The following OCM variants were observed in gnomAD, a reference collection of about 807,000 sequenced individuals.
OCM encodes the protein oncomodulin-1.
OCM carries 18 observed loss-of-function variants against 14.1 expected under a neutral mutation model. The observed-to-expected ratio is 1.28, with a 90% CI of 0.88 to 1.89. The LOEUF (loss-of-function observed/expected upper bound fraction) is 1.89, where lower values mean the gene tolerates loss of function less well. Ranked by LOEUF, OCM falls within the 40% of genes most tolerant of loss-of-function variation. The pLI is 0.00. For missense variants in OCM, 140 were observed against 137.6 expected (o/e 1.02, Z -0.09); for synonymous variants, 48 against 51.0 (o/e 0.94, Z 0.25).
rs114698537 is a variant in OCM at position 5,880,964 on chromosome 7, G to A, written c.61+14G>A. ...AGGAATGCCGAGGTAGAGGGGACGT[G>A]AGGCGGGGGTGGGATTTCCTCACAG... On this transcript the variant is annotated intron_variant, in intron 1 of 3. Transcript: ENST00000242104. The A allele has an allele frequency of 8.5e-4, 1,371 of 1,611,462 alleles. 6 individuals carry two copies. In the African/African-American group the frequency reaches 0.015, roughly 17 times the overall value.
the OCM span, among the ~76,000 whole-genome samples, chr7:5,861,717 T>C: frequency 3.6e-4 from 55 of 152,154 alleles, no homozygotes; most frequent in African/African-American, 1.2e-3. Flanking sequence ...TGGCATCTCA[T>C]TGTGGTTTTA....
the OCM span, among the ~76,000 whole-genome samples, chr7:5,865,793 GA>G: frequency 6.6e-6 from 1 of 151,996 alleles, no homozygotes; most frequent in Admixed American, 6.6e-5. Context: ...TAGAGACAGT[GA>G]GTTTAACTGT....
At chr7:5,864,595 C>T in the OCM span, among the ~76,000 whole-genome samples, 5,675 of 152,126 alleles carry the variant, frequency 0.037, 135 homozygotes, top group Non-Finnish European at 0.053. Context: ...GTTTTCTAGA[C>T]GGCATCCTCA....
the OCM span, among the ~76,000 whole-genome samples, chr7:5,871,178 C>G: frequency 6.0e-3 from 913 of 151,616 alleles, 1 homozygote; most frequent in Non-Finnish European, 7.6e-3. Context: ...GAGAGCCCCC[C>G]CCCCGTCTCT....
upstream of OCM, among the ~76,000 whole-genome samples, chr7:5,875,766 T>C (rs1781083129): frequency 6.6e-6 from 1 of 152,118 alleles, no homozygotes; most frequent in Non-Finnish European, 1.5e-5. Flanking sequence ...AAGAAAGGGC[T>C]CAGCTAGTTT....
At chr7:5,873,173 A>C in the OCM span, among the ~76,000 whole-genome samples, 2 of 152,128 alleles carry the variant, frequency 1.3e-5, no homozygotes. Context: ...TCAGGAGTTC[A>C]AGACCAGCTT....
chr7:5,867,807 G>A, the OCM span, among the ~76,000 whole-genome samples: 10 of 152,186 alleles, frequency 6.6e-5, no homozygotes, highest in African/African-American at 9.6e-5. Context: ...TGTTGCCCAG[G>A]CTGGAGTGCA....
chr7:5,883,803 G>C, intron 2 of OCM, 87 bp from the exon 3 acceptor site: 1 of 1,507,340 alleles, frequency 6.6e-7, no homozygotes, highest in Non-Finnish European at 9.1e-7. Context: ...CTGGAAACAG[G>C]TGATATGCTT....
chr7:5,867,397 C>T, the OCM span, among the ~76,000 whole-genome samples: 39,971 of 151,578 alleles, frequency 0.26, 6,707 homozygotes, highest in African/African-American at 0.49. Flanking sequence ...GCCTTTATGA[C>T]CTTCATCTTC....
the OCM span, among the ~76,000 whole-genome samples, chr7:5,864,313 C>T: frequency 6.7e-6 from 1 of 149,656 alleles, no homozygotes; most frequent in African/African-American, 2.5e-5. Context: ...CACCACTGCA[C>T]TCCAGCCTGG....
the OCM span, among the ~76,000 whole-genome samples, chr7:5,873,385 AT>A: frequency 8.3e-4 from 126 of 151,888 alleles, no homozygotes; most frequent in Middle Eastern, 3.4e-3. Flanking sequence ...CTCAAAAAAA[AT>A]TTTTTTTTAA....
At chr7:5,880,707 C>G (rs557635379), upstream of OCM, 3 of 539,112 alleles carry the variant, frequency 5.6e-6, no homozygotes, top group Non-Finnish European at 9.8e-6. Context: ...TGCGGTGAGC[C>G]GAGATCACGC....
At chr7:5,869,242 T>A in the OCM span, among the ~76,000 whole-genome samples, 40 of 152,268 alleles carry the variant, frequency 2.6e-4, no homozygotes, top group African/African-American at 9.1e-4. Context: ...CAGGCCCTCC[T>A]AGACACACCT....
upstream of OCM, among the ~76,000 whole-genome samples, chr7:5,877,976 CT>C (rs35122064): frequency 1.3e-4 from 19 of 145,084 alleles, no homozygotes; most frequent in East Asian, 6.2e-4. Context: ...CAGTCAAACT[CT>C]TTTTTTTTTT....
the OCM span, among the ~76,000 whole-genome samples, chr7:5,869,756 C>T: frequency 6.6e-6 from 1 of 152,138 alleles, no homozygotes; most frequent in Admixed American, 6.5e-5. Flanking sequence ...AACTCACCGC[C>T]CTGCCCATAA....
the OCM span, among the ~76,000 whole-genome samples, chr7:5,867,251 G>A: frequency 6.6e-6 from 1 of 152,014 alleles, no homozygotes; most frequent in African/African-American, 2.4e-5. Flanking sequence ...ACCTACTCAG[G>A]AGGATCGCTT....
chr7:5,861,085 C>G, the OCM span, among the ~76,000 whole-genome samples: 1 of 151,938 alleles, frequency 6.6e-6, no homozygotes, highest in Non-Finnish European at 1.5e-5. Flanking sequence ...ATAGTTGTTG[C>G]TGGTTTTTAG....
rs1781243492 is a variant in OCM, at chr7:5,882,666, G to T, written c.194+41G>T. 4.3e-6 allele frequency: 7 copies of T among 1,610,580 alleles called. No individual in the cohort carries two copies. The East Asian group carries it at 1.6e-4, about 36-fold the overall frequency. On this transcript the variant is annotated intron_variant, in intron 2 of 3. Transcript: ENST00000242104. ...AGTCTGTCTGGTACCCGGCACTGCT[G>T]AGTGGGCCTGGGGTGCAGTGGGGGC...
the OCM span, among the ~76,000 whole-genome samples, chr7:5,868,784 C>T: frequency 5.3e-5 from 8 of 152,102 alleles, no homozygotes; most frequent in Non-Finnish European, 1.0e-4. Flanking sequence ...GAGTCCAGGC[C>T]GAGCACGGTG....
Sources: gnomAD v4.1 joint callset for allele counts (sites outside exome capture counted in the v4.1 genomes callset) on GRCh38, gnomAD v4.1.1 for gene constraint, MANE v1.5 for transcripts, NCBI Gene and HGNC (gene_info 2026-07-23, HGNC 2026-07-21) for gene names.